RPSA: variants seen among roughly 807,000 people sequenced by gnomAD.
RPSA encodes ribosomal protein SA.
For synonymous variants in RPSA, 103 were observed against 126.7 expected, an observed-to-expected ratio of 0.81 and a Z score of 1.25; for missense variants, 140 against 372.8, an observed-to-expected ratio of 0.38 and a Z score of 5.14.
chr3:39,409,712 A>G (rs2041977785), intron 3 of RPSA, among the ~76,000 whole-genome samples: 1 of 152,192 alleles, frequency 6.6e-6, no homozygotes, highest in South Asian at 2.1e-4. Context: ...GCATGCACCC[A>G]TAGTTCCCGT....
chr3:39,408,234 C>G, intron 2 of RPSA: 1 of 410,782 alleles, frequency 2.4e-6, no homozygotes, highest in South Asian at 2.0e-5. Flanking sequence ...TTGGGAGTGA[C>G]ATGCTGTAAA....
intron 1 of RPSA, 159 bp downstream of exon 1, chr3:39,406,923 A>G (rs1000855140): frequency 1.1e-5 from 5 of 454,154 alleles, no homozygotes; most frequent in Admixed American, 4.7e-5. Context: ...GCACGTGGCC[A>G]GGCTCGGGCT....
rs759404173 is a variant in RPSA at position 39,412,066 on chromosome 3, G to A, written c.793+5G>A. On this transcript the variant is annotated splice_donor_5th_base_variant and intron_variant, in intron 6 of 6. Coordinates refer to ENST00000301821, the MANE Select transcript of RPSA (RefSeq NM_002295.6). Reference sequence around the variant, plus strand: ...CTATTCAGCAATTCCCTACTGGTATGTATCAGGATAGAGGTGAATCAAGCT... The same window carrying A: ...CTATTCAGCAATTCCCTACTGGTATATATCAGGATAGAGGTGAATCAAGCT... 43 of 1,611,020 alleles carry A rather than the reference G, an allele frequency of 2.7e-5. No homozygotes were observed. The highest frequency in any genetic ancestry group is 3.5e-5 in the Non-Finnish European group (41 of 1,179,346).
chr3:39,410,483 C>A (rs1006095735), intron 3 of RPSA: 2 of 470,504 alleles, frequency 4.3e-6, no homozygotes, highest in Non-Finnish European at 3.9e-6. Flanking sequence ...AGTGACAGTT[C>A]TTGCTTGCTT....
chr3:39,410,597 T>A, intron 3 of RPSA, 157 bp from the exon 4 acceptor site: 1 of 800,846 alleles, frequency 1.2e-6, no homozygotes, highest in South Asian at 1.5e-5. Flanking sequence ...ATGCAGGAAA[T>A]CTCTGGAGAA....
In RPSA at chr3:39,411,721, C is replaced by T. The variant is rs1014126728; in HGVS notation, c.571C>T (p.Arg191Cys). 18 of 1,600,780 alleles carry T rather than the reference C, an allele frequency of 1.1e-5. No individual in the cohort carries two copies. The highest frequency in any genetic ancestry group is 1.5e-5 in the Non-Finnish European group (18 of 1,179,904). Residue 191 changes from arginine (R) to cysteine (C), a missense_variant, in exon 5 of 7, where the codon CGT becomes TGT. By Grantham distance (180) the Arg-to-Cys change is radical. Transcript: ENST00000301821. Reference protein sequence around the residue: ...EVLRMRGTISREHPWEVMPDL... With the variant: ...EVLRMRGTISCEHPWEVMPDL... ...TCTGCGCATGCGTGGCACCATTTCC[C>T]GTGAACACCCATGGGAGGTCATGCC...
chr3:39,406,963 G>T (rs1414769414), intron 1 of RPSA, 199 bp downstream of exon 1: 3 of 452,370 alleles, frequency 6.6e-6, no homozygotes, highest in African/African-American at 6.0e-5. Context: ...CCGGGAGCGG[G>T]TGGAGGCCGC....
chr3:39,412,156 T>A, intron 6 of RPSA, 95 bp downstream of exon 6: 1 of 1,409,756 alleles, frequency 7.1e-7, no homozygotes, highest in South Asian at 1.2e-5. Context: ...ATACTAGCTT[T>A]AAGAGGTTTT....
chr3:39,411,880 T>G lies in RPSA; in HGVS notation c.628-16T>G, dbSNP rs927197781. On this transcript the variant is annotated splice_polypyrimidine_tract_variant and intron_variant, in intron 5 of 6. Coordinates refer to ENST00000301821, the MANE Select transcript of RPSA (RefSeq NM_002295.6). The stretch of plus-strand genomic sequence containing the variant: ...CAGTCCCTGTAAGTCTTTCCTCTTT[T>G]TTTTTTGTAACCCAGATTGAAAAAG... 1 of 1,599,726 alleles carries G rather than the reference T, an allele frequency of 6.3e-7. No homozygotes were observed. The highest frequency in any genetic ancestry group is 1.3e-5 in the African/African-American group (1 of 75,040).
chr3:39,407,207 C>T, intron 1 of RPSA: 1 of 344,470 alleles, frequency 2.9e-6, no homozygotes, highest in South Asian at 2.2e-5. Context: ...GACAGCACAG[C>T]GAAGTAATTC....
At chr3:39,412,129 T>C (rs2042014525) in intron 6 of RPSA, 68 bp downstream of exon 6, 1 of 1,467,402 alleles carries the variant, frequency 6.8e-7, no homozygotes, top group African/African-American at 1.4e-5. Context: ...CTAACTTTAA[T>C]GATCTCTGTG....
chr3:39,408,949 G>T (rs1396636049), intron 3 of RPSA: 6 of 458,584 alleles, frequency 1.3e-5, no homozygotes, highest in South Asian at 8.9e-5. Context: ...AGTTGGGCGT[G>T]GGGGCGGGTG....
Position 39,407,737 on chromosome 3 carries a change from C to T in RPSA, c.84C>T (p.Thr28=). ...FLAAGTHLGG[T]NLDFQMEQYI... ...CAGCAGGAACCCACTTAGGTGGCAC[C>T]AATCTTGACTTCCAGATGGAACAGT... The change falls in exon 2 of 7, where the codon ACC becomes ACT. Residue 28 remains threonine, a synonymous_variant. Coordinates refer to ENST00000301821, the MANE Select transcript of RPSA (RefSeq NM_002295.6). The T allele has an allele frequency of 6.3e-7, 1 of 1,596,670 alleles. No homozygotes were observed. The highest frequency in any genetic ancestry group is 8.5e-7 in the Non-Finnish European group (1 of 1,178,220).
rs1263534137 is a variant in RPSA at position 39,406,725 on chromosome 3, C to T, written c.-73C>T. Reference sequence around the variant, plus strand: ...CGTCATTTCCTGCCGCCTGTCTTTTCCGTGCTACCTGCAGAGGGGTCCATA... The same window carrying T: ...CGTCATTTCCTGCCGCCTGTCTTTTTCGTGCTACCTGCAGAGGGGTCCATA... On this transcript the variant is annotated 5_prime_UTR_variant, in exon 1 of 7. Coordinates refer to ENST00000301821, the MANE Select transcript of RPSA (RefSeq NM_002295.6). 1.1e-5 allele frequency: 4 copies of T among 351,428 alleles called. No homozygotes were observed. Among genetic ancestry groups the T allele is most frequent in the Non-Finnish European group, 2.2e-5 (4 of 180,126 alleles). The allele number at this position is 351,428 out of a possible 1,614,324, so 21.8% of individuals were successfully genotyped here.
At chr3:39,410,556 A>G in intron 3 of RPSA, 198 bp from the exon 4 acceptor site, 1 of 622,958 alleles carries the variant, frequency 1.6e-6, no homozygotes, top group Non-Finnish European at 2.8e-6. Flanking sequence ...CGGGATATAT[A>G]GTAGAAAAAC....
intron 2 of RPSA, chr3:39,408,056 A>G (rs2041945758): frequency 4.5e-6 from 2 of 440,266 alleles, no homozygotes; most frequent in East Asian, 4.8e-5. Flanking sequence ...AATAGCTCGC[A>G]TAGTGCCTTC....
chr3:39,408,787 T>C, intron 3 of RPSA, 63 bp downstream of exon 3: 1 of 954,272 alleles, frequency 1.0e-6, no homozygotes, highest in South Asian at 1.3e-5. Context: ...TTGTGAGACA[T>C]AGAAAGACAT....
rs557109232 is a variant in RPSA, at chr3:39,406,746, C to T, written c.-52C>T. The T allele has an allele frequency of 4.4e-5, 18 of 408,458 alleles. No homozygotes were observed. Among genetic ancestry groups the T allele is most frequent in the South Asian group, 1.2e-4 (7 of 56,960 alleles). The allele number at this position is 408,458 out of a possible 1,614,324, so 25.3% of individuals were successfully genotyped here. Reference sequence around the variant, plus strand: ...TTTTCCGTGCTACCTGCAGAGGGGTCCATACGGCGTTGTTCTGGGTGAGTT... The same window carrying T: ...TTTTCCGTGCTACCTGCAGAGGGGTTCATACGGCGTTGTTCTGGGTGAGTT... On this transcript the variant is annotated 5_prime_UTR_variant, in exon 1 of 7. Coordinates refer to ENST00000301821, the MANE Select transcript of RPSA (RefSeq NM_002295.6).
chr3:39,408,243 A>T (rs1246462406), intron 2 of RPSA: 3 of 427,402 alleles, frequency 7.0e-6, no homozygotes, highest in Non-Finnish European at 1.3e-5. Context: ...ACATGCTGTA[A>T]AGGAGTTTTA....
Sources: gnomAD v4.1 joint callset for allele counts (sites outside exome capture counted in the v4.1 genomes callset) on GRCh38, gnomAD v4.1.1 for gene constraint, MANE v1.5 for transcripts, NCBI Gene and HGNC (gene_info 2026-07-23, HGNC 2026-07-21) for gene names.